The following LAMA5 variants were observed in gnomAD, a reference collection of about 807,000 sequenced individuals.
LAMA5 encodes laminin subunit alpha-5.
A neutral mutation model predicts 433.4 loss-of-function variants in LAMA5; 260 were observed. The ratio of observed to expected loss-of-function variants is 0.60; its 90% CI spans 0.54 to 0.66. The LOEUF (loss-of-function observed/expected upper bound fraction) is 0.66. Ranked by LOEUF, LAMA5 falls within the 30% of genes least tolerant of loss-of-function variation. The probability of loss-of-function intolerance (pLI) is 0.00; values close to 1 mark genes in which losing one functional copy is unlikely to be tolerated. For missense variants in LAMA5, 5,378 were observed against 5,258.5 expected (o/e 1.02, Z -0.70); for synonymous variants, 2,620 against 2,226.6 (o/e 1.18, Z -4.97).
chr20:62,358,499 C>T (rs1304940889), intron 2 of LAMA5, among the ~76,000 whole-genome samples: 1 of 152,206 alleles, frequency 6.6e-6, no homozygotes, highest in Non-Finnish European at 1.5e-5. Flanking sequence ...CCCAACCAGG[C>T]CCAGGGAGCC....
intron 55 of LAMA5, 119 bp downstream of exon 55, chr20:62,317,226 G>A (rs1003823949): frequency 3.3e-5 from 41 of 1,258,462 alleles, no homozygotes; most frequent in African/African-American, 1.1e-4. Flanking sequence ...AGGAAGGCCT[G>A]GCTTCTTTGA....
chr20:62,309,469 A>G lies in LAMA5; in HGVS notation c.10955T>C (p.Met3652Thr), dbSNP rs764050246. Reference sequence around the variant, plus strand: ...GGCGGGGGGCCAGGGCTGCACGGCCATGGGCTCTGGGGGCACAGGGAAGAT... The same window carrying G: ...GGCGGGGGGCCAGGGCTGCACGGCCGTGGGCTCTGGGGGCACAGGGAAGAT... Reference protein sequence around the residue: ...PLYLGGLPEPMAVQPWPPAYC... With the variant: ...PLYLGGLPEPTAVQPWPPAYC... Residue 3652 changes from methionine (M) to threonine (T), a missense_variant, in exon 80 of 80, where the codon ATG (methionine) becomes ACG (threonine). Physicochemically the swap from Met to Thr is moderately conservative, Grantham distance 81. Transcript: ENST00000252999. 8 of 1,579,308 alleles carry G rather than the reference A, an allele frequency of 5.1e-6. No homozygotes were observed. Among genetic ancestry groups the G allele is most frequent in the Non-Finnish European group, 6.8e-6 (8 of 1,172,036 alleles).
chr20:62,358,554 C>A (rs1434028657), intron 2 of LAMA5, among the ~76,000 whole-genome samples: 2 of 152,202 alleles, frequency 1.3e-5, no homozygotes, highest in African/African-American at 4.8e-5. Context: ...AGGGCCCAAG[C>A]CGGCCAGCCA....
At chr20:62,347,732 C>T (rs1429368637) in intron 6 of LAMA5, among the ~76,000 whole-genome samples, 2 of 152,186 alleles carry the variant, frequency 1.3e-5, no homozygotes, top group Non-Finnish European at 2.9e-5. Context: ...CAGCGGGAGT[C>T]CCTGCCCCAG....
At position 62,320,820 on chromosome 20, in the gene LAMA5, G is replaced by A. The variant is rs199690960; in HGVS notation, c.6567C>T (p.His2189=). Residue 2189 remains histidine, a synonymous_variant, in exon 49 of 80, where the codon CAC becomes CAT. Coordinates refer to ENST00000252999, the MANE Select transcript of LAMA5 (RefSeq NM_005560.6). ...TGGCATTGATGCCACGCAGTTGCTC[G>A]TGAATGGCGGGGAGGAGGGCGCCGG... The part of the protein sequence containing the change: ...ERAGALLPAI[H]EQLRGINASS... 1.0e-4 allele frequency: 164 copies of A among 1,612,676 alleles called. 1 individual carries two copies. In the East Asian group the frequency reaches 2.0e-3, roughly 19 times the overall value.
At chr20:62,354,151 G>T (rs149796056) in intron 2 of LAMA5, among the ~76,000 whole-genome samples, 2,346 of 152,182 alleles carry the variant, frequency 0.015, 61 homozygotes, top group African/African-American at 0.054. Context: ...CCTCGGGGCT[G>T]GGGGACAGCC....
intron 11 of LAMA5, chr20:62,345,469 T>A: frequency 2.4e-6 from 1 of 409,918 alleles, no homozygotes; most frequent in Non-Finnish European, 4.6e-6. Context: ...TGCTGTGGTG[T>A]GATCATGGCT....
rs374189553 is a variant in LAMA5, at chr20:62,351,930, C to T, written c.837G>A (p.Arg279=). Residue 279 remains arginine (R), a synonymous_variant, in exon 5 of 80, where the codon CGG becomes CGA. Transcript: ENST00000252999. ...TCACCCGGCGGGTGACCGTGGGGTC[C>T]CGCAGCGCCTTCCCCATGAGATGGC... ...LLGHLMGKAL[R]DPTVTRRYYY... 59 of 1,608,566 alleles carry T rather than the reference C, an allele frequency of 3.7e-5. No homozygotes were observed. The highest frequency in any genetic ancestry group is 4.4e-5 in the Non-Finnish European group (52 of 1,178,340).
intron 48 of LAMA5, 134 bp downstream of exon 48, chr20:62,321,885 C>T (rs982967569): frequency 2.3e-6 from 2 of 863,242 alleles, no homozygotes; most frequent in Non-Finnish European, 3.8e-6. Context: ...GTTGGACAGG[C>T]ATGGGTCTCT....
In LAMA5 at chr20:62,324,233, G is replaced by A; in HGVS notation, c.5644-29C>T. 1 of 1,577,794 alleles carries A rather than the reference G, an allele frequency of 6.3e-7. No homozygotes were observed. Among genetic ancestry groups the A allele is most frequent in the Non-Finnish European group, 8.5e-7 (1 of 1,171,374 alleles). On this transcript the variant is annotated intron_variant, in intron 42 of 79. Coordinates refer to ENST00000252999, the MANE Select transcript of LAMA5 (RefSeq NM_005560.6). This position sits in a 1 kb window ranked among gnomAD's most constrained non-coding sequence, Gnocchi z 4.4. ...GGGCAGAGTGGACAGTCAGAGCTAT[G>A]GTGGACACCCACATCCTACTGCCGA...
At chr20:62,323,350 G>T in intron 45 of LAMA5, 106 bp downstream of exon 45, 1 of 940,536 alleles carries the variant, frequency 1.1e-6, no homozygotes. Flanking sequence ...GTCCTGGCTG[G>T]GCCCCAGCAT....
In LAMA5 at chr20:62,362,433, G is replaced by A; in HGVS notation, c.417C>T (p.Tyr139=). 6.3e-7 allele frequency: 1 copy of A among 1,580,386 alleles called. No individual in the cohort carries two copies. Among genetic ancestry groups the A allele is most frequent in the Non-Finnish European group, 8.6e-7 (1 of 1,158,986 alleles). Residue 139 remains tyrosine (Y), a synonymous_variant, in exon 2 of 80, where the codon TAC becomes TAT. Coordinates refer to ENST00000252999, the MANE Select transcript of LAMA5 (RefSeq NM_005560.6). ...GGTCCAGGGTGACGTTGACCTCGTTGTACTCCAGGCCGCGGGACAGCGGTG... is the reference window on the plus strand; with the variant it reads ...GGTCCAGGGTGACGTTGACCTCGTTATACTCCAGGCCGCGGGACAGCGGTG... The part of the protein sequence containing the change: ...QSPPLSRGLE[Y]NEVNVTLDLG...
In LAMA5 at chr20:62,367,179, G is replaced by A; in HGVS notation, c.67C>T (p.Leu23=). 1 of 1,234,238 alleles carries A rather than the reference G, an allele frequency of 8.1e-7. No homozygotes were observed. The highest frequency in any genetic ancestry group is 3.2e-5 in the South Asian group (1 of 30,872). The allele number at this position is 1,234,238 out of a possible 1,614,324, so 76.5% of individuals were successfully genotyped here. A position where few individuals can be genotyped will look rare whatever the true frequency, so the allele number is the denominator to read the frequency against. The change falls in exon 1 of 80, where the codon CTG becomes TTG. Residue 23 remains leucine, a synonymous_variant. Coordinates refer to ENST00000252999, the MANE Select transcript of LAMA5 (RefSeq NM_005560.6). The part of the protein sequence containing the change: ...VRGPRGPAPL[L]LVGLALLGAA... ...CCCAGCAGCGCCAGCCCGACCAGCA[G>A]CAGCGGCGCGGGGCCCCGGGGGCCG... is the stretch of plus-strand genomic sequence containing the variant.
chr20:62,332,339 A>AC (rs1306161055), intron 28 of LAMA5, 33 bp downstream of exon 28: 1 of 1,452,884 alleles, frequency 6.9e-7, no homozygotes, highest in East Asian at 2.3e-5. Context: ...AAAGAAGCTG[A>AC]CCCCTTGGGG....
intron 6 of LAMA5, among the ~76,000 whole-genome samples, chr20:62,347,648 G>T (rs565452145): frequency 7.2e-5 from 11 of 152,184 alleles, no homozygotes; most frequent in African/African-American, 2.7e-4. Context: ...CTTACGTCCC[G>T]TGGGCAGGGT....
At position 62,359,861 on chromosome 20, in the gene LAMA5, G is replaced by T. The variant is rs566578632; in HGVS notation, c.450+2539C>A. Among the ~76,000 whole-genome samples, 1 of 151,896 alleles carries T rather than the reference G, an allele frequency of 6.6e-6. No individual in the cohort carries two copies. The highest frequency in any genetic ancestry group is 2.1e-4 in the South Asian group (1 of 4,802). On this transcript the variant is annotated intron_variant, in intron 2 of 79. Transcript: ENST00000252999. The surrounding 1 kb of genome is among the most constrained non-coding windows in gnomAD (Gnocchi z 4.3). ...ACCGCACACCAGGGGTATGAGATCC[G>T]AACCGTGATGCAGCCCACCCCGCCC...
chr20:62,317,623 G>T, intron 54 of LAMA5, 39 bp downstream of exon 54: 3 of 1,521,406 alleles, frequency 2.0e-6, no homozygotes, highest in Non-Finnish European at 2.7e-6. Flanking sequence ...GGAGTTGGCC[G>T]TGGATGGGGT....
chr20:62,355,784 G>A (rs1985119753), intron 2 of LAMA5, among the ~76,000 whole-genome samples: 1 of 152,012 alleles, frequency 6.6e-6, no homozygotes, highest in Non-Finnish European at 1.5e-5. Context: ...ATTCCAGAGA[G>A]CCCCAGGTGG....
intron 40 of LAMA5, 31 bp downstream of exon 40, chr20:62,326,646 G>T: frequency 6.3e-7 from 1 of 1,582,508 alleles, no homozygotes; most frequent in Non-Finnish European, 8.7e-7. Context: ...GGTCCATGAG[G>T]GACCTGGGTG....
Sources: gnomAD v4.1 joint callset for allele counts (sites outside exome capture counted in the v4.1 genomes callset) on GRCh38, gnomAD v4.1.1 for gene constraint, Gnocchi (gnomAD v3.1) non-coding constraint, MANE v1.5 for transcripts, NCBI Gene and HGNC (gene_info 2026-07-23, HGNC 2026-07-21) for gene names.